HLA-DRB5: variants seen among roughly 807,000 people sequenced by gnomAD.
HLA-DRB5 encodes the protein major histocompatibility complex, class II, DR beta 5.
A neutral mutation model predicts 22.4 loss-of-function variants in HLA-DRB5; 11 were observed. The observed-to-expected ratio is 0.49, with a 90% CI of 0.31 to 0.81. The LOEUF (loss-of-function observed/expected upper bound fraction) is 0.81. Among genes scored for constraint, HLA-DRB5 ranks in the 40% least tolerant of loss-of-function variants. HLA-DRB5 has a pLI of 0.05. For synonymous variants in HLA-DRB5, 57 were observed against 106.0 expected (o/e 0.54, Z 2.84); for missense variants, 106 against 274.4 (o/e 0.39, Z 4.34).
chr6:32,521,482 T>C (rs112037641), intron 2 of HLA-DRB5, among the ~76,000 whole-genome samples: 89,760 of 112,766 alleles, frequency 0.8, 37,766 homozygotes, highest in Middle Eastern at 0.89. Flanking sequence ...TTATCACAAA[T>C]CTTCCACACC....
At chr6:32,525,682 T>C (rs1321959935) in intron 1 of HLA-DRB5, among the ~76,000 whole-genome samples, 2 of 79,258 alleles carry the variant, frequency 2.5e-5, no homozygotes, top group East Asian at 3.1e-4. Context: ...ACTTATAACC[T>C]TTCAATTTTA....
At chr6:32,520,373 C>T (rs112661683) in intron 2 of HLA-DRB5, among the ~76,000 whole-genome samples, 18,985 of 63,864 alleles carry the variant, frequency 0.3, 1,983 homozygotes, top group Admixed American at 0.35. Flanking sequence ...ATGGTTGTGC[C>T]CCTGGGAAGG....
Position 32,530,285 on chromosome 6 carries a change from T to G in HLA-DRB5, c.-61A>C. The G allele has an allele frequency of 1.0e-6, 1 of 958,868 alleles. No individual in the cohort carries two copies. Among genetic ancestry groups the G allele is most frequent in the South Asian group, 1.6e-5 (1 of 63,418 alleles). The allele number at this position is 958,868 out of a possible 1,614,324, so 59.4% of individuals were successfully genotyped here. A position where few individuals can be genotyped will look rare whatever the true frequency, so the allele number is the denominator to read the frequency against. On this transcript the variant is annotated 5_prime_UTR_variant, in exon 1 of 6. Transcript: ENST00000374975. ...CAGGCAAGTCTCACTCAGGGAGAAC[T>G]ATGATCCCCCTCCACCCACATTCCA... is the stretch of plus-strand genomic sequence containing the variant.
chr6:32,523,473 A>G (rs188137643), intron 1 of HLA-DRB5, among the ~76,000 whole-genome samples: 1 of 44,574 alleles, frequency 2.2e-5, no homozygotes, highest in African/African-American at 8.8e-5. Context: ...AGTGAAATGA[A>G]TAAATAAAAG....
chr6:32,523,037 T>C (rs796619497), intron 1 of HLA-DRB5, among the ~76,000 whole-genome samples: 19,293 of 117,430 alleles, frequency 0.16, 886 homozygotes, highest in African/African-American at 0.18. Context: ...AAGATTAGAC[T>C]GGAGACATCA....
intron 1 of HLA-DRB5, among the ~76,000 whole-genome samples, chr6:32,523,680 T>C (rs879913421): frequency 0.18 from 19,774 of 112,436 alleles, 117 homozygotes; most frequent in Middle Eastern, 0.29. Context: ...TATGAAGCTA[T>C]TAAACTTGCA....
intron 1 of HLA-DRB5, among the ~76,000 whole-genome samples, chr6:32,524,025 C>T (rs796920917): frequency 0.033 from 1,670 of 50,254 alleles, 122 homozygotes; most frequent in Non-Finnish European, 0.039. Flanking sequence ...ACAAGTTCCC[C>T]AAGGGTGATG....
At chr6:32,521,137 A>G (rs73726170) in intron 2 of HLA-DRB5, among the ~76,000 whole-genome samples, 12,563 of 36,270 alleles carry the variant, frequency 0.35, 2,667 homozygotes, top group Admixed American at 0.39. Context: ...GGAAAGTGAG[A>G]TAAGTTGTGT....
intron 2 of HLA-DRB5, 88 bp downstream of exon 2, chr6:32,521,811 TCACACA>T (rs771632640): frequency 0.011 from 2,781 of 246,712 alleles, 10 homozygotes; most frequent in Admixed American, 0.016. Context: ...CCTCTCTCTC[TCACACA>T]CACACACACA....
intron 1 of HLA-DRB5, among the ~76,000 whole-genome samples, chr6:32,524,470 A>C: frequency 9.4e-6 from 1 of 106,262 alleles, no homozygotes; most frequent in African/African-American, 3.4e-5. Context: ...TCAAATTACC[A>C]GCCTTGGCCA....
chr6:32,524,369 G>T (rs78135308), intron 1 of HLA-DRB5, among the ~76,000 whole-genome samples: 1 of 109,258 alleles, frequency 9.2e-6, no homozygotes, highest in Non-Finnish European at 1.9e-5. Flanking sequence ...ATCTGTAGTA[G>T]TGAATCACAA....
intron 1 of HLA-DRB5, among the ~76,000 whole-genome samples, chr6:32,526,141 G>A (rs184162868): frequency 1.6e-4 from 15 of 91,328 alleles, no homozygotes; most frequent in Admixed American, 3.5e-4. Flanking sequence ...TCTTCTACTC[G>A]CTCTTCAAAT....
chr6:32,519,215 C>T (rs559236302), intron 3 of HLA-DRB5, among the ~76,000 whole-genome samples, 155 bp downstream of exon 3: 89 of 77,566 alleles, frequency 1.1e-3, no homozygotes, highest in Middle Eastern at 7.9e-3. Flanking sequence ...TTTCTAGAAA[C>T]TATACAGGGC....
intron 1 of HLA-DRB5, among the ~76,000 whole-genome samples, chr6:32,527,203 T>G (rs181323498): frequency 2.8e-5 from 2 of 71,092 alleles, no homozygotes; most frequent in Admixed American, 3.3e-4. Flanking sequence ...AGAATTAGTT[T>G]TAAAAATTCA....
intron 1 of HLA-DRB5, among the ~76,000 whole-genome samples, chr6:32,529,254 A>G (rs796275618): frequency 9.3e-4 from 104 of 111,890 alleles, no homozygotes; most frequent in Middle Eastern, 8.8e-3. Context: ...ACCTTATCAA[A>G]TTTCTGATAT....
At chr6:32,521,641 C>T (rs1396415344) in intron 2 of HLA-DRB5, among the ~76,000 whole-genome samples, 1 of 65,528 alleles carries the variant, frequency 1.5e-5, no homozygotes, top group Non-Finnish European at 3.0e-5. Context: ...ACAGAGGCCT[C>T]CAAGGATAAG....
chr6:32,525,930 T>G lies in HLA-DRB5; in HGVS notation c.101-3756A>C, dbSNP rs1462560139. 7.6e-3 allele frequency among the ~76,000 whole-genome samples: 250 copies of G among 32,976 alleles called. 28 individuals are homozygous for G. Among genetic ancestry groups the G allele is most frequent in the East Asian group, 0.017 (21 of 1,260 alleles). The allele number at this position is 32,976 out of a possible 152,430, so 21.6% of individuals were successfully genotyped here. A position where few individuals can be genotyped will look rare whatever the true frequency, so the allele number is the denominator to read the frequency against. On this transcript the variant is annotated intron_variant, in intron 1 of 5. Transcript: ENST00000374975. ...GTGAAATACTGGCTGTGTGACCTCT[T>G]CATGAGCAGTCACCACTGCACACAG...
At chr6:32,524,480 A>G (rs1265107137) in intron 1 of HLA-DRB5, among the ~76,000 whole-genome samples, 4 of 102,148 alleles carry the variant, frequency 3.9e-5, no homozygotes, top group Non-Finnish European at 8.3e-5. Flanking sequence ...AGCCTTGGCC[A>G]GAGATAGAAC....
At position 32,521,014 on chromosome 6, in the gene HLA-DRB5, A is replaced by G. The variant is rs1362193588; in HGVS notation, c.370+891T>C. Reference sequence around the variant, plus strand: ...TTAGAGCAGTAATTATAATTGGGCAATAAATAGGTCAAGATAATTCAAAAG... The same window carrying G: ...TTAGAGCAGTAATTATAATTGGGCAGTAAATAGGTCAAGATAATTCAAAAG... On this transcript the variant is annotated intron_variant, in intron 2 of 5. Coordinates refer to ENST00000374975, the MANE Select transcript of HLA-DRB5 (RefSeq NM_002125.4). Among the ~76,000 whole-genome samples, 8 of 41,758 alleles carry G rather than the reference A, an allele frequency of 1.9e-4. 4 individuals are homozygous for G. Among genetic ancestry groups the G allele is most frequent in the Non-Finnish European group, 3.9e-4 (8 of 20,454 alleles). 27.4% of individuals were successfully genotyped at this position (41,758 alleles called of 152,430 possible). A position where few individuals can be genotyped will look rare whatever the true frequency, so the allele number is the denominator to read the frequency against.
Sources: allele counts gnomAD v4.1 joint callset (sites outside exome capture counted in the v4.1 genomes callset), GRCh38; gene constraint gnomAD v4.1.1; transcripts MANE v1.5; gene names NCBI Gene and HGNC (gene_info 2026-07-23, HGNC 2026-07-21).